Variants in COL25A1 observed in about 807,000 individuals in gnomAD.
The protein encoded by COL25A1 is collagen type XXV alpha 1 chain.
Under a neutral mutation model 128.4 loss-of-function variants are expected in COL25A1, and 103 were observed. The observed-to-expected ratio is 0.80, with a 90% CI of 0.68 to 0.94. The LOEUF (loss-of-function observed/expected upper bound fraction) is 0.94. COL25A1 is among the 40% of genes least tolerant of loss of function. The pLI is 0.00. For missense variants in COL25A1, 745 were observed against 840.0 expected, an observed-to-expected ratio of 0.89 and a Z score of 1.40; for synonymous variants, 279 against 277.2, an observed-to-expected ratio of 1.01 and a Z score of -0.06.
chr4:109,221,246 T>C (rs1266686696), intron 3 of COL25A1, among the ~76,000 whole-genome samples: 1 of 152,142 alleles, frequency 6.6e-6, no homozygotes, highest in Non-Finnish European at 1.5e-5. Flanking sequence ...ATATTACTCT[T>C]TGTATAAACA....
chr4:108,998,987 T>A (rs1469465183), intron 6 of COL25A1, among the ~76,000 whole-genome samples: 1 of 152,184 alleles, frequency 6.6e-6, no homozygotes, highest in Non-Finnish European at 1.5e-5. Flanking sequence ...AAGACTTAAA[T>A]GTAAGACCTA....
At chr4:109,004,900 A>T (rs1755815916) in intron 6 of COL25A1, among the ~76,000 whole-genome samples, 1 of 152,036 alleles carries the variant, frequency 6.6e-6, no homozygotes, top group African/African-American at 2.4e-5. Context: ...GAGAATGTTC[A>T]GCCTATGCGA....
chr4:108,825,357 T>C (rs1402223739), intron 33 of COL25A1, 135 bp from the exon 34 acceptor site: 16 of 739,236 alleles, frequency 2.2e-5, no homozygotes, highest in Non-Finnish European at 3.4e-5. Flanking sequence ...GATTCTCATT[T>C]GGATTAGTGA....
intron 6 of COL25A1, among the ~76,000 whole-genome samples, chr4:108,986,245 A>C (rs1753661392): frequency 6.6e-6 from 1 of 152,278 alleles, no homozygotes; most frequent in South Asian, 2.1e-4. Context: ...TGAGCATATC[A>C]TTCCTCAGCT....
At chr4:109,157,663 C>T (rs1277346673) in intron 3 of COL25A1, among the ~76,000 whole-genome samples, 2 of 152,160 alleles carry the variant, frequency 1.3e-5, no homozygotes, top group Non-Finnish European at 2.9e-5. Context: ...TAAAGGTTGG[C>T]ACAGTTTTAT....
intron 3 of COL25A1, among the ~76,000 whole-genome samples, chr4:109,279,952 C>T (rs1723209010): frequency 6.6e-6 from 1 of 152,082 alleles, no homozygotes; most frequent in African/African-American, 2.4e-5. Flanking sequence ...TCTGATGATC[C>T]TTAGGATACT....
chr4:108,923,680 T>C (rs1745723344), intron 11 of COL25A1, among the ~76,000 whole-genome samples: 1 of 150,740 alleles, frequency 6.6e-6, no homozygotes, highest in East Asian at 1.9e-4. Context: ...TAGATTTTCA[T>C]CCTGCACAAC....
At chr4:108,851,989 T>C (rs1578543171) in intron 26 of COL25A1, among the ~76,000 whole-genome samples, 2 of 152,242 alleles carry the variant, frequency 1.3e-5, no homozygotes, top group Non-Finnish European at 2.9e-5. Context: ...CCTTGTTTAA[T>C]ATCTTTTTTC....
intron 3 of COL25A1, among the ~76,000 whole-genome samples, chr4:109,266,904 A>AT (rs777989692): frequency 2.0e-5 from 3 of 152,188 alleles, no homozygotes; most frequent in Non-Finnish European, 4.4e-5. Flanking sequence ...TCTTAATCAG[A>AT]TTAAACTGCA....
chr4:108,832,739 G>A (rs1348550571), intron 31 of COL25A1: 2 of 197,486 alleles, frequency 1.0e-5, no homozygotes, highest in Middle Eastern at 1.9e-3. Context: ...GCTCAAGCCT[G>A]TAATCCCAGC....
intron 6 of COL25A1, among the ~76,000 whole-genome samples, chr4:109,001,428 G>GATCCTGTCAGGTAGGCATCGGAGAT (rs1202063003): frequency 7.9e-5 from 1 of 12,630 alleles, no homozygotes; most frequent in Non-Finnish European, 3.2e-4. Flanking sequence ...TAGGCAGTGA[G>GATCCTGTCAGGTAGGCATCGGAGAT]CTAGAGGGTT....
intron 3 of COL25A1, among the ~76,000 whole-genome samples, chr4:109,096,625 T>C (rs957006087): frequency 4.6e-5 from 7 of 152,364 alleles, no homozygotes; most frequent in South Asian, 4.1e-4. Context: ...ATCCCCATCA[T>C]TAAGTGACTC....
chr4:109,164,410 ATTTG>A (rs4036264), intron 3 of COL25A1, among the ~76,000 whole-genome samples: 90,170 of 150,560 alleles, frequency 0.6, 27,807 homozygotes, highest in Non-Finnish European at 0.69. Context: ...CAAGAAATAC[ATTTG>A]TTTGTTTGTT....
Position 108,808,755 on chromosome 4 carries a change from A to C in COL25A1, c.*5172T>G, listed in dbSNP as rs890693395. The C allele has an allele frequency of 6.6e-6, 1 of 152,202 alleles. No individual in the cohort carries two copies. The highest frequency in any genetic ancestry group is 6.5e-5 in the Admixed American group (1 of 15,284). The allele number at this position is 152,202 out of a possible 1,614,324, so 9.4% of individuals were successfully genotyped here. A position where few individuals can be genotyped will look rare whatever the true frequency, so the allele number is the denominator to read the frequency against. ...ATGAACATCAATAAAGCTTTATAAC[A>C]ATACAATTCATTATCATTGTTTGGA... On this transcript the variant is annotated 3_prime_UTR_variant, in exon 38 of 38. Coordinates refer to ENST00000399132, the MANE Select transcript of COL25A1 (RefSeq NM_198721.4).
At chr4:108,876,220 A>C (rs1339332478) in intron 19 of COL25A1, among the ~76,000 whole-genome samples, 1 of 151,822 alleles carries the variant, frequency 6.6e-6, no homozygotes, top group Admixed American at 6.6e-5. Flanking sequence ...AAAAAAAAAA[A>C]GTTAGTGCCT....
intron 5 of COL25A1, among the ~76,000 whole-genome samples, chr4:109,015,996 G>C (rs1757172592): frequency 1.3e-5 from 2 of 152,214 alleles, no homozygotes. Flanking sequence ...GAAGAGGCAG[G>C]ATCCCTGCCC....
intron 13 of COL25A1, among the ~76,000 whole-genome samples, chr4:108,903,671 C>T (rs1033956860): frequency 6.6e-6 from 1 of 151,938 alleles, no homozygotes; most frequent in Non-Finnish European, 1.5e-5. Flanking sequence ...TTCTAAATTG[C>T]TTTCTAAAAG....
At chr4:109,055,197 T>C (rs1280753071) in intron 3 of COL25A1, among the ~76,000 whole-genome samples, 3 of 152,156 alleles carry the variant, frequency 2.0e-5, no homozygotes, top group African/African-American at 7.2e-5. Context: ...CAATGCCTGG[T>C]AGAAGTAGAA....
At chr4:108,952,884 A>G (rs751374139) in intron 8 of COL25A1, among the ~76,000 whole-genome samples, 1 of 131,094 alleles carries the variant, frequency 7.6e-6, no homozygotes, top group Non-Finnish European at 1.5e-5. Flanking sequence ...GAGAGAAAGC[A>G]TAAGTGTCCT....
Sources: gnomAD v4.1 joint callset for allele counts (sites outside exome capture counted in the v4.1 genomes callset) on GRCh38, gnomAD v4.1.1 for gene constraint, MANE v1.5 for transcripts, NCBI Gene and HGNC (gene_info 2026-07-23, HGNC 2026-07-21) for gene names.